The following ZFYVE9 variants were observed in gnomAD, a reference collection of about 807,000 sequenced individuals.
The protein encoded by ZFYVE9 is zinc finger FYVE domain-containing protein 9.
A neutral mutation model predicts 126.7 loss-of-function variants in ZFYVE9; 43 were observed. The observed-to-expected ratio is 0.34, with a 90% CI of 0.27 to 0.44. The LOEUF (loss-of-function observed/expected upper bound fraction) is 0.44. Among genes scored for constraint, ZFYVE9 ranks in the 20% least tolerant of loss-of-function variants. The probability of loss-of-function intolerance (pLI) is 1.00; values close to 1 mark genes in which losing one functional copy is unlikely to be tolerated. For missense variants in ZFYVE9, 1,476 were observed against 1,697.0 expected (o/e 0.87, Z 2.29); for synonymous variants, 521 against 597.4 (o/e 0.87, Z 1.87).
chr1:52,337,968 T>G (rs748386660), intron 16 of ZFYVE9, 34 bp downstream of exon 16: 1 of 1,602,288 alleles, frequency 6.2e-7, no homozygotes, highest in Admixed American at 1.7e-5. Context: ...TTGTGGCTTT[T>G]AGTTATAGGT....
rs148853841 is a variant in ZFYVE9, at chr1:52,280,286, G to A, written c.2870-1375G>A. Among the ~76,000 whole-genome samples, 53 of 151,720 alleles carry A rather than the reference G, an allele frequency of 3.5e-4. 1 individual carries two copies. The East Asian group carries it at 8.3e-3, about 24-fold the overall frequency. On this transcript the variant is annotated intron_variant, in intron 9 of 18. Coordinates refer to ENST00000287727, the MANE Select transcript of ZFYVE9 (RefSeq NM_004799.4). ...TCCCAGCTACTCTCGAGGCTGAGGT[G>A]GGAGGAGTTCTTGAGCCCAGGAGAC...
At chr1:52,335,426 A>G (rs1329138546) in intron 15 of ZFYVE9, among the ~76,000 whole-genome samples, 1 of 152,194 alleles carries the variant, frequency 6.6e-6, no homozygotes, top group South Asian at 2.1e-4. Context: ...CTAGAATTAT[A>G]TGAAGGTTTG....
At chr1:52,212,203 G>A (rs1645034569) in intron 1 of ZFYVE9, among the ~76,000 whole-genome samples, 2 of 152,166 alleles carry the variant, frequency 1.3e-5, no homozygotes, top group Admixed American at 6.5e-5. Flanking sequence ...GGAGTGCAGT[G>A]TCATGATCAC....
intron 1 of ZFYVE9, among the ~76,000 whole-genome samples, chr1:52,187,509 A>G (rs72893931): frequency 0.054 from 8,258 of 152,190 alleles, 769 homozygotes; most frequent in African/African-American, 0.19. Context: ...CAAACTACCA[A>G]CAGAGTAAAC....
chr1:52,157,423 T>TG (rs1644413891), intron 1 of ZFYVE9, among the ~76,000 whole-genome samples: 1 of 90,598 alleles, frequency 1.1e-5, no homozygotes. Flanking sequence ...TTTTTTGAGA[T>TG]GGAGTCTCAC....
chr1:52,178,522 G>A (rs956446719), intron 1 of ZFYVE9, among the ~76,000 whole-genome samples: 14 of 151,862 alleles, frequency 9.2e-5, no homozygotes, highest in African/African-American at 3.4e-4. Context: ...GTAGAGACAG[G>A]GTTTCACCAT....
chr1:52,263,058 C>G (rs925950561), intron 4 of ZFYVE9, among the ~76,000 whole-genome samples: 1 of 136,646 alleles, frequency 7.3e-6, no homozygotes, highest in African/African-American at 2.9e-5. Context: ...CAGCCTGGGC[C>G]ACAGAGTCAA....
rs1483343545 is a variant in ZFYVE9 at position 52,218,330 on chromosome 1, G to T, written c.-37+1856G>T. Among the ~76,000 whole-genome samples the T allele has an allele frequency of 2.0e-5, 3 of 152,258 alleles. No homozygotes were observed. In the East Asian group the frequency reaches 5.8e-4, roughly 29 times the overall value. ...TGACTGATTGGTTATCTCTTGAAAA[G>T]GTTTAGGCCCACTACATCCCATCAG... On this transcript the variant is annotated intron_variant, in intron 2 of 18. Coordinates refer to ENST00000287727, the MANE Select transcript of ZFYVE9 (RefSeq NM_004799.4).
chr1:52,224,307 T>G (rs1281002886), intron 2 of ZFYVE9, among the ~76,000 whole-genome samples: 2 of 147,796 alleles, frequency 1.4e-5, no homozygotes, highest in South Asian at 2.2e-4. Flanking sequence ...CAGCTTGGGG[T>G]GGAGGGGTAG....
At chr1:52,292,662 G>T (rs1196865058) in intron 10 of ZFYVE9, among the ~76,000 whole-genome samples, 1 of 151,654 alleles carries the variant, frequency 6.6e-6, no homozygotes, top group Non-Finnish European at 1.5e-5. Flanking sequence ...AGTAGAGATG[G>T]GGTTTTACCA....
intron 5 of ZFYVE9, among the ~76,000 whole-genome samples, chr1:52,266,158 G>A (rs1484913393): frequency 1.3e-5 from 2 of 151,672 alleles, no homozygotes; most frequent in Non-Finnish European, 2.9e-5. Flanking sequence ...GAGTGCAGTG[G>A]TGTGACTTGG....
At chr1:52,345,356 T>G (rs1297631423) in intron 18 of ZFYVE9, among the ~76,000 whole-genome samples, 2 of 152,172 alleles carry the variant, frequency 1.3e-5, no homozygotes. Flanking sequence ...GTGTTAATTC[T>G]GCCCAGCAAG....
At chr1:52,209,359 T>C (rs1013888971) in intron 1 of ZFYVE9, among the ~76,000 whole-genome samples, 3 of 152,316 alleles carry the variant, frequency 2.0e-5, no homozygotes, top group Non-Finnish European at 4.4e-5. Flanking sequence ...AGAATTCATA[T>C]ATCATAAAAT....
intron 1 of ZFYVE9, among the ~76,000 whole-genome samples, chr1:52,202,346 C>G (rs992235155): frequency 2.0e-5 from 3 of 152,038 alleles, no homozygotes; most frequent in Non-Finnish European, 4.4e-5. Context: ...GTGGCCTGAT[C>G]TCGGTTAACC....
At chr1:52,164,642 G>GTCCATCCGTCCA (rs1553120559) in intron 1 of ZFYVE9, among the ~76,000 whole-genome samples, 3 of 151,296 alleles carry the variant, frequency 2.0e-5, no homozygotes, top group African/African-American at 4.9e-5. Flanking sequence ...TTGTCCGTCC[G>GTCCATCCGTCCA]TCCATCCGTC....
chr1:52,272,715 A>C (rs1370014721), intron 7 of ZFYVE9, among the ~76,000 whole-genome samples: 1 of 139,390 alleles, frequency 7.2e-6, no homozygotes, highest in African/African-American at 2.9e-5. Flanking sequence ...TGTTGCCCAG[A>C]CTGGAATGCA....
At chr1:52,174,544 A>G (rs969757685) in intron 1 of ZFYVE9, among the ~76,000 whole-genome samples, 1 of 151,614 alleles carries the variant, frequency 6.6e-6, no homozygotes, top group Non-Finnish European at 1.5e-5. Context: ...GCTGAGTTCA[A>G]TTCCTGGGTA....
At position 52,303,873 on chromosome 1, in the gene ZFYVE9, A is replaced by T. The variant is rs761832340; in HGVS notation, c.3386A>T (p.Asp1129Val). Residue 1129 changes from aspartate (D) to valine (V), a missense_variant, in exon 13 of 19, where the codon GAT (aspartate) becomes GTT (valine). Coordinates refer to ENST00000287727, the MANE Select transcript of ZFYVE9 (RefSeq NM_004799.4). ...TLPVVQGLVV[D>V]MEVRKTSIKI... ...CCAGTAGTTCAAGGTTTGGTGGTTG[A>T]TATGGAAGTTCGGAAAACTAGCATC... 6.2e-6 allele frequency: 10 copies of T among 1,600,704 alleles called. No homozygotes were observed. In the African/African-American group the frequency reaches 1.2e-4, roughly 19 times the overall value.
At chr1:52,258,492 A>G (rs1306108919) in intron 4 of ZFYVE9, among the ~76,000 whole-genome samples, 5 of 144,038 alleles carry the variant, frequency 3.5e-5, no homozygotes, top group Admixed American at 3.4e-4. Flanking sequence ...GTACTGTCCT[A>G]TGAAGAACTG....
Sources: gnomAD v4.1 joint callset for allele counts (sites outside exome capture counted in the v4.1 genomes callset) on GRCh38, gnomAD v4.1.1 for gene constraint, MANE v1.5 for transcripts, NCBI Gene and HGNC (gene_info 2026-07-23, HGNC 2026-07-21) for gene names.